The following CYRIA variants were observed in gnomAD, a reference collection of about 807,000 sequenced individuals.
CYRIA encodes the protein CYFIP related Rac1 interactor A.
CYRIA carries 15 observed loss-of-function variants against 43.9 expected under a neutral mutation model. The observed-to-expected ratio is 0.34, with a 90% CI of 0.23 to 0.53. The LOEUF is 0.53. CYRIA is among the 20% of genes least tolerant of loss of function. The pLI is 0.94. For missense variants in CYRIA, 236 were observed against 394.2 expected (o/e 0.60, Z 3.40); for synonymous variants, 117 against 136.0 (o/e 0.86, Z 0.97).
At position 16,593,711 on chromosome 2, in the gene CYRIA, T is replaced by A. The variant is rs1359438277; in HGVS notation, c.-10-5582A>T. 6.4e-5 allele frequency among the ~76,000 whole-genome samples: 5 copies of A among 77,918 alleles called. No homozygotes were observed. The East Asian group carries it at 1.7e-3, about 27-fold the overall frequency. 51.1% of individuals were successfully genotyped at this position (77,918 alleles called of 152,430 possible). A position where few individuals can be genotyped will look rare whatever the true frequency, so the allele number is the denominator to read the frequency against. On this transcript the variant is annotated intron_variant, in intron 2 of 11. Coordinates refer to ENST00000381323, the MANE Select transcript of CYRIA (RefSeq NM_030797.4). ...TTGTGTGTGTGTGTTTTTTTTTGTGTGTGTGTGTTTTTTTTTTTTTTTTTT... is the reference window on the plus strand; with the variant it reads ...TTGTGTGTGTGTGTTTTTTTTTGTGAGTGTGTGTTTTTTTTTTTTTTTTTT...
At chr2:16,621,157 C>T (rs547759396) in intron 2 of CYRIA, among the ~76,000 whole-genome samples, 1 of 152,290 alleles carries the variant, frequency 6.6e-6, no homozygotes, top group South Asian at 2.1e-4. Context: ...AGAAGAGGCA[C>T]TCATATATCT....
At chr2:16,654,367 T>C (rs1670048429) in intron 1 of CYRIA, among the ~76,000 whole-genome samples, 2 of 152,232 alleles carry the variant, frequency 1.3e-5, no homozygotes, top group Non-Finnish European at 2.9e-5. Flanking sequence ...ACTATTTGCA[T>C]GAAATTTACA....
intron 2 of CYRIA, 105 bp from the exon 3 acceptor site, chr2:16,588,234 G>C (rs1047028455): frequency 7.7e-6 from 5 of 646,568 alleles, no homozygotes; most frequent in African/African-American, 1.9e-5. Context: ...ACCAGAAAGA[G>C]AGCATCTCCA....
rs142270671 is a variant in CYRIA, at chr2:16,558,751, A to C, written c.837+709T>G. Reference sequence around the variant, plus strand: ...TATGTGCCAGGTACTGTGTGAGGCAATAGAGCAGACATGAGGTATATAGAT... The same window carrying C: ...TATGTGCCAGGTACTGTGTGAGGCACTAGAGCAGACATGAGGTATATAGAT... On this transcript the variant is annotated intron_variant, in intron 10 of 11. Transcript: ENST00000381323. Among the ~76,000 whole-genome samples the C allele has an allele frequency of 2.0e-5, 3 of 152,256 alleles. No homozygotes were observed. In the East Asian group the frequency reaches 5.8e-4, roughly 29 times the overall value.
rs538701901 is a variant in CYRIA at position 16,649,164 on chromosome 2, G to A, written c.-167+16616C>T. Among the ~76,000 whole-genome samples the A allele has an allele frequency of 2.6e-5, 4 of 152,268 alleles. No homozygotes were observed. The East Asian group carries it at 7.7e-4, about 29-fold the overall frequency. On this transcript the variant is annotated intron_variant, in intron 1 of 11. Transcript: ENST00000381323. ...TTCACTTAGCATTTACATTGTATTA[G>A]GTATTGTAATCTAGAGATTATTGAA... is the stretch of plus-strand genomic sequence containing the variant.
chr2:16,569,728 C>T (rs1182864888), intron 3 of CYRIA, among the ~76,000 whole-genome samples: 1 of 152,152 alleles, frequency 6.6e-6, no homozygotes, highest in Non-Finnish European at 1.5e-5. Context: ...GGCCTAAATC[C>T]CTATGGAAGT....
chr2:16,586,728 C>T (rs1667741290), intron 3 of CYRIA, among the ~76,000 whole-genome samples: 1 of 151,332 alleles, frequency 6.6e-6, no homozygotes, highest in Non-Finnish European at 1.5e-5. Context: ...ATTTCCTTAG[C>T]AAACTTCTTT....
At chr2:16,561,129 A>G (rs148022677) in intron 8 of CYRIA, 32 bp downstream of exon 8, 1 of 1,609,596 alleles carries the variant, frequency 6.2e-7, no homozygotes, top group African/African-American at 1.3e-5. Flanking sequence ...GGAATTAAGG[A>G]AAAAAGCACC....
intron 1 of CYRIA, among the ~76,000 whole-genome samples, chr2:16,644,719 C>A (rs929297446): frequency 6.6e-6 from 1 of 152,216 alleles, no homozygotes. Flanking sequence ...TAGATAACCA[C>A]ATGGAAGATG....
chr2:16,631,794 C>T (rs1284641209), intron 1 of CYRIA, among the ~76,000 whole-genome samples: 2 of 152,190 alleles, frequency 1.3e-5, no homozygotes, highest in South Asian at 2.1e-4. Context: ...TCTAGGCCAA[C>T]GCTGCCTTGG....
rs777223445 is a variant in CYRIA at position 16,553,010 on chromosome 2, A to C, written c.909-11T>G. ...TGCTTTGTAGTGAACCTGGATGGAG[A>C]GAGAATGGTAGAGGTTAGCGGCAAA... On this transcript the variant is annotated splice_polypyrimidine_tract_variant and intron_variant, in intron 11 of 11. Coordinates refer to ENST00000381323, the MANE Select transcript of CYRIA (RefSeq NM_030797.4). The C allele has an allele frequency of 1.2e-5, 19 of 1,570,672 alleles. No homozygotes were observed. Among genetic ancestry groups the C allele is most frequent in the African/African-American group, 1.3e-5 (1 of 74,180 alleles).
chr2:16,580,670 G>A (rs1667521550), intron 3 of CYRIA, among the ~76,000 whole-genome samples: 2 of 152,060 alleles, frequency 1.3e-5, no homozygotes, highest in Admixed American at 6.5e-5. Flanking sequence ...GAAAAGTAAA[G>A]GAGTTAGAAT....
At chr2:16,620,771 T>C (rs180854200) in intron 2 of CYRIA, among the ~76,000 whole-genome samples, 1 of 152,226 alleles carries the variant, frequency 6.6e-6, no homozygotes, top group Admixed American at 6.5e-5. Flanking sequence ...CATTCCACAG[T>C]CTCAGGAGGG....
At chr2:16,618,180 A>T (rs1246033641) in intron 2 of CYRIA, among the ~76,000 whole-genome samples, 1 of 152,200 alleles carries the variant, frequency 6.6e-6, no homozygotes, top group African/African-American at 2.4e-5. Flanking sequence ...GGCCAGGATG[A>T]GAGTGTGCTC....
Position 16,568,543 on chromosome 2 carries a change from T to C in CYRIA, c.71-2776A>G, listed in dbSNP as rs530476480. Among the ~76,000 whole-genome samples, 4 of 151,960 alleles carry C rather than the reference T, an allele frequency of 2.6e-5. No individual in the cohort carries two copies. The East Asian group carries it at 5.8e-4, about 22-fold the overall frequency. On this transcript the variant is annotated intron_variant, in intron 3 of 11. Coordinates refer to ENST00000381323, the MANE Select transcript of CYRIA (RefSeq NM_030797.4). Reference sequence around the variant, plus strand: ...AGAATTCCAGGGTAAGCCTGGCAGTTTCTGAGTAAGGAAAGTGTCAGGGAA... The same window carrying C: ...AGAATTCCAGGGTAAGCCTGGCAGTCTCTGAGTAAGGAAAGTGTCAGGGAA...
At chr2:16,628,998 C>T (rs1289723574) in intron 1 of CYRIA, among the ~76,000 whole-genome samples, 6 of 152,134 alleles carry the variant, frequency 3.9e-5, no homozygotes, top group Non-Finnish European at 7.3e-5. Flanking sequence ...GCCCTGGAAG[C>T]CCCGGAACCC....
rs1354160295 is a variant in CYRIA at position 16,650,403 on chromosome 2, A to C, written c.-167+15377T>G. Among the ~76,000 whole-genome samples the C allele has an allele frequency of 6.6e-6, 1 of 152,222 alleles. No individual in the cohort carries two copies. Among genetic ancestry groups the C allele is most frequent in the Admixed American group, 6.5e-5 (1 of 15,284 alleles). ...ACAAGACTGACTCACTTCAATATAA[A>C]AATCTCTGCAAACTGCAGATCGATT... On this transcript the variant is annotated intron_variant, in intron 1 of 11. Transcript: ENST00000381323. The surrounding 1 kb of genome is among the most constrained non-coding windows in gnomAD (Gnocchi z 4.1).
chr2:16,600,512 T>A (rs1047539516), intron 2 of CYRIA, among the ~76,000 whole-genome samples: 1 of 152,200 alleles, frequency 6.6e-6, no homozygotes, highest in Non-Finnish European at 1.5e-5. Flanking sequence ...GGCTTCCGCA[T>A]TCAGGTGATG....
chr2:16,561,670 G>A (rs897159351), intron 6 of CYRIA, 137 bp from the exon 7 acceptor site: 6 of 695,036 alleles, frequency 8.6e-6, no homozygotes, highest in Non-Finnish European at 1.4e-5. Flanking sequence ...GCAACTTCTG[G>A]TTAGAAATAA....
Sources: gnomAD v4.1 joint callset for allele counts (sites outside exome capture counted in the v4.1 genomes callset) on GRCh38, gnomAD v4.1.1 for gene constraint, Gnocchi (gnomAD v3.1) non-coding constraint, MANE v1.5 for transcripts, NCBI Gene and HGNC (gene_info 2026-07-23, HGNC 2026-07-21) for gene names.